Variants in C11orf65 observed in about 807,000 individuals in gnomAD.
The protein encoded by C11orf65 is chromosome 11 open reading frame 65.
In C11orf65, 38 loss-of-function variants were observed where a neutral mutation model predicts 35.3. That is an observed-to-expected ratio of 1.08 (90% CI 0.83 to 1.41). C11orf65 has a LOEUF of 1.41. C11orf65 is among the 40% of genes most tolerant of loss of function. The pLI, the probability that C11orf65 is intolerant of heterozygous loss-of-function variation, is 0.00. For missense variants in C11orf65, 370 were observed against 367.1 expected (o/e 1.01, Z -0.06); for synonymous variants, 105 against 114.4 (o/e 0.92, Z 0.53).
downstream of C11orf65, chr11:108,330,124 T>G (rs1389962664): frequency 2.8e-6 from 4 of 1,447,530 alleles, no homozygotes; most frequent in African/African-American, 4.3e-5. Context: ...AAACCCAACT[T>G]TTTTCATTAA....
intron 2 of C11orf65, among the ~76,000 whole-genome samples, chr11:108,447,491 C>T (rs886230684): frequency 3.9e-5 from 6 of 152,116 alleles, no homozygotes; most frequent in South Asian, 2.1e-4. Flanking sequence ...CACTCAAAAC[C>T]GCTCAACTAC....
exon 7 of C11orf65, chr11:108,308,857 G>T: frequency 1.6e-6 from 1 of 635,642 alleles, no homozygotes. Context: ...TTACCTTAGA[G>T]TTTTATACCA....
At chr11:108,348,959 A>G (rs765478092) in intron 2 of C11orf65, among the ~76,000 whole-genome samples, 7 of 152,174 alleles carry the variant, frequency 4.6e-5, no homozygotes, top group Non-Finnish European at 8.8e-5. Context: ...CAGAATGTAG[A>G]AAAAGAAGTG....
At chr11:108,370,777 C>G (rs1247633701) in intron 2 of C11orf65, among the ~76,000 whole-genome samples, 1 of 152,070 alleles carries the variant, frequency 6.6e-6, no homozygotes, top group Non-Finnish European at 1.5e-5. Flanking sequence ...ATGTAGTGAA[C>G]TACACTGTTT....
At chr11:108,317,345 AC>A (rs768999198) in intron 6 of C11orf65, 1 of 1,604,254 alleles carries the variant, frequency 6.2e-7, no homozygotes, top group Non-Finnish European at 8.5e-7. Context: ...TGATTACTTA[AC>A]TTAAAAACAA....
intron 8 of C11orf65, among the ~76,000 whole-genome samples, chr11:108,385,486 T>C (rs755729503): frequency 1.3e-5 from 2 of 152,148 alleles, no homozygotes; most frequent in Non-Finnish European, 1.5e-5. Context: ...ATCAAGACCA[T>C]CCCGGCTAAC....
At chr11:108,349,688 C>T (rs1349070653) in intron 2 of C11orf65, among the ~76,000 whole-genome samples, 1 of 152,008 alleles carries the variant, frequency 6.6e-6, no homozygotes, top group Non-Finnish European at 1.5e-5. Flanking sequence ...AATCTTCCTA[C>T]AAGAAGTTTA....
At chr11:108,399,258 T>C (rs937781946) in intron 6 of C11orf65, among the ~76,000 whole-genome samples, 1 of 152,200 alleles carries the variant, frequency 6.6e-6, no homozygotes, top group South Asian at 2.1e-4. Context: ...AAAATATATT[T>C]TGTATCCATT....
intron 6 of C11orf65, among the ~76,000 whole-genome samples, chr11:108,316,694 G>T (rs2084678452): frequency 6.7e-6 from 1 of 150,366 alleles, no homozygotes; most frequent in Non-Finnish European, 1.5e-5. Flanking sequence ...CAGATCACGA[G>T]GTCAGGAGGT....
At chr11:108,419,368 A>G (rs1300611738) in intron 3 of C11orf65, among the ~76,000 whole-genome samples, 3 of 152,210 alleles carry the variant, frequency 2.0e-5, no homozygotes, top group Admixed American at 2.0e-4. Flanking sequence ...AAAGCAAAAA[A>G]GGTCTCATAA....
At chr11:108,330,445 T>C (rs769672312), downstream of C11orf65, 21 of 1,611,738 alleles carry the variant, frequency 1.3e-5, 1 homozygote, top group South Asian at 2.3e-4. Context: ...AGCCCAATAT[T>C]CTACCCTGTG....
intron 2 of C11orf65, chr11:108,366,029 CAAAA>C (rs369583811): frequency 3.9e-4 from 39 of 100,414 alleles, no homozygotes; most frequent in Middle Eastern, 8.2e-3. Flanking sequence ...AACTCCATCT[CAAAA>C]AAAAAAAAAA....
intron 2 of C11orf65, among the ~76,000 whole-genome samples, chr11:108,364,593 AG>A (rs2091140641): frequency 2.0e-5 from 3 of 152,188 alleles, no homozygotes; most frequent in Non-Finnish European, 4.4e-5. Context: ...CCATAGGAAT[AG>A]GGTGGAGATC....
rs758637243 is a variant in C11orf65 at position 108,331,829 on chromosome 11, A to C, written c.300-262T>G. 41 of 1,580,158 alleles carry C rather than the reference A, an allele frequency of 2.6e-5. 1 individual carries two copies. In the South Asian group the frequency reaches 4.2e-4, roughly 16 times the overall value. On this transcript the variant is annotated intron_variant, in intron 3 of 3. Transcript: ENST00000524755. ...ATGTTAAGCAAAATGAAAAATATGG[A>C]TTATATTTTTTTGTTTATTTGCATA...
chr11:108,365,388 G>GA, intron 2 of C11orf65: 1 of 1,614,186 alleles, frequency 6.2e-7, no homozygotes, highest in Non-Finnish European at 8.5e-7. Context: ...AAGAGAAACT[G>GA]AAAGGAGTGG....
In C11orf65 at chr11:108,332,870, T is replaced by G. The variant is rs587779868; in HGVS notation, c.300-1303A>C. On this transcript the variant is annotated intron_variant, in intron 3 of 3. Transcript: ENST00000524755. ...TGATGCTTATATTATATTAGCAAAC[T>G]TAGATGCCACTCAGTGGAAGACTCA... is the stretch of plus-strand genomic sequence containing the variant. 6.2e-7 allele frequency: 1 copy of G among 1,613,054 alleles called. No individual in the cohort carries two copies. Among genetic ancestry groups the G allele is most frequent in the Non-Finnish European group, 8.5e-7 (1 of 1,179,730 alleles).
At chr11:108,443,722 G>A (rs1275401024) in intron 2 of C11orf65, among the ~76,000 whole-genome samples, 2 of 152,040 alleles carry the variant, frequency 1.3e-5, no homozygotes, top group Non-Finnish European at 2.9e-5. Flanking sequence ...AATGACTACT[G>A]GGTACATAAC....
At chr11:108,421,612 C>A (rs1222795902) in intron 3 of C11orf65, among the ~76,000 whole-genome samples, 2 of 152,012 alleles carry the variant, frequency 1.3e-5, no homozygotes, top group African/African-American at 4.8e-5. Context: ...GAGCCGAGAT[C>A]GTGCCACTGC....
chr11:108,316,753 CA>C (rs58165074), intron 6 of C11orf65, among the ~76,000 whole-genome samples: 1,771 of 72,432 alleles, frequency 0.024, 36 homozygotes, highest in African/African-American at 0.083. Context: ...ACTAAAAATA[CA>C]AAAAAAAAAA....
Sources: gnomAD v4.1 joint callset for allele counts (sites outside exome capture counted in the v4.1 genomes callset) on GRCh38, gnomAD v4.1.1 for gene constraint, MANE v1.5 for transcripts, NCBI Gene and HGNC (gene_info 2026-07-23, HGNC 2026-07-21) for gene names.